Variants in CTXND2 observed in about 807,000 individuals in gnomAD.
CTXND2 encodes cortexin domain containing 2.
At chr1:150,898,153 G>GA (rs1557999424) in intron 1 of CTXND2, among the ~76,000 whole-genome samples, 1 of 147,862 alleles carries the variant, frequency 6.8e-6, no homozygotes, top group Non-Finnish European at 1.5e-5. Context: ...TAGATGTGGG[G>GA]TTTTTTTTTT....
chr1:150,893,499 C>A (rs1668877869), intron 1 of CTXND2, among the ~76,000 whole-genome samples: 1 of 152,160 alleles, frequency 6.6e-6, no homozygotes, highest in African/African-American at 2.4e-5. Flanking sequence ...CACTCTGTCA[C>A]CCAGGCTGGA....
At chr1:150,909,765 C>A (rs1571606917) in intron 1 of CTXND2, among the ~76,000 whole-genome samples, 1 of 152,190 alleles carries the variant, frequency 6.6e-6, no homozygotes, top group African/African-American at 2.4e-5. Flanking sequence ...AATACCTGCC[C>A]CTGAGATGAC....
At chr1:150,900,786 A>G (rs933637849) in intron 1 of CTXND2, among the ~76,000 whole-genome samples, 3 of 152,222 alleles carry the variant, frequency 2.0e-5, no homozygotes, top group Admixed American at 6.5e-5. Flanking sequence ...TCAATAGAAA[A>G]AGAGACAAAA....
intron 1 of CTXND2, among the ~76,000 whole-genome samples, chr1:150,905,995 A>T (rs1669138046): frequency 6.8e-6 from 1 of 147,662 alleles, no homozygotes; most frequent in Non-Finnish European, 1.5e-5. Context: ...ATCTCAAAAA[A>T]AAAAGAAGGA....
intron 1 of CTXND2, among the ~76,000 whole-genome samples, chr1:150,888,358 C>A (rs587712005): frequency 6.6e-6 from 1 of 151,456 alleles, no homozygotes; most frequent in Non-Finnish European, 1.5e-5. Flanking sequence ...GGACTACAGG[C>A]GTGCACCACC....
At chr1:150,901,219 A>G (rs1669022199) in intron 1 of CTXND2, among the ~76,000 whole-genome samples, 1 of 152,242 alleles carries the variant, frequency 6.6e-6, no homozygotes, top group Admixed American at 6.5e-5. Flanking sequence ...TTTGGAAGCT[A>G]CAAAACATTG....
At chr1:150,893,503 G>A (rs1668877959) in intron 1 of CTXND2, among the ~76,000 whole-genome samples, 1 of 152,130 alleles carries the variant, frequency 6.6e-6, no homozygotes, top group Admixed American at 6.5e-5. Context: ...CTGTCACCCA[G>A]GCTGGAAGAC....
At chr1:150,899,539 A>G (rs1330859981) in intron 1 of CTXND2, among the ~76,000 whole-genome samples, 1 of 152,238 alleles carries the variant, frequency 6.6e-6, no homozygotes, top group Non-Finnish European at 1.5e-5. Flanking sequence ...GGTGCATTCT[A>G]TAGACTGAAT....
intron 1 of CTXND2, among the ~76,000 whole-genome samples, chr1:150,896,570 C>T (rs990508550): frequency 6.6e-6 from 1 of 152,142 alleles, no homozygotes; most frequent in Admixed American, 6.6e-5. Flanking sequence ...TCCTCACTGT[C>T]CTTTGCTGCT....
chr1:150,906,198 C>G (rs1669143936), intron 1 of CTXND2, among the ~76,000 whole-genome samples: 1 of 151,840 alleles, frequency 6.6e-6, no homozygotes, highest in African/African-American at 2.4e-5. Flanking sequence ...ATCCAGGAGG[C>G]TGAGGCAGGA....
chr1:150,904,788 A>G (rs1460800914), intron 1 of CTXND2, among the ~76,000 whole-genome samples: 1 of 152,182 alleles, frequency 6.6e-6, no homozygotes. Context: ...AATATCAAAG[A>G]TTATTTAGCA....
At chr1:150,912,907 AGT>A (rs993127294) in exon 2 of CTXND2, 3 of 153,034 alleles carry the variant, frequency 2.0e-5, no homozygotes, top group African/African-American at 7.2e-5. Flanking sequence ...AGATTGTTTT[AGT>A]GTGTGAAGTT....
At chr1:150,888,080 C>G (rs587666072) in intron 1 of CTXND2, among the ~76,000 whole-genome samples, 1 of 151,544 alleles carries the variant, frequency 6.6e-6, no homozygotes, top group East Asian at 1.9e-4. Flanking sequence ...AAAAAAAATT[C>G]TAAGACAGGT....
At chr1:150,897,611 C>A (rs1571599186) in intron 1 of CTXND2, among the ~76,000 whole-genome samples, 1 of 152,304 alleles carries the variant, frequency 6.6e-6, no homozygotes, top group African/African-American at 2.4e-5. Context: ...CATGAGCCAC[C>A]ACAGGCCAGC....
intron 1 of CTXND2, among the ~76,000 whole-genome samples, chr1:150,892,528 C>CTTTTT (rs5777740): frequency 7.8e-4 from 96 of 123,316 alleles, no homozygotes; most frequent in Middle Eastern, 4.4e-3. Context: ...TCTTCTTCTT[C>CTTTTT]TTTTTTTTTT....
chr1:150,913,240 G>A (rs1034034888), exon 2 of CTXND2: 1 of 152,104 alleles, frequency 6.6e-6, no homozygotes, highest in Non-Finnish European at 1.5e-5. Context: ...CCTTGATTTT[G>A]GACTTCCGGC....
chr1:150,893,080 C>T (rs1557998497), intron 1 of CTXND2, among the ~76,000 whole-genome samples: 2 of 152,134 alleles, frequency 1.3e-5, no homozygotes, highest in Non-Finnish European at 2.9e-5. Flanking sequence ...TCCTAGTCAA[C>T]TTTTGTTAAA....
intron 1 of CTXND2, among the ~76,000 whole-genome samples, chr1:150,908,540 G>T (rs587640340): frequency 6.6e-6 from 1 of 152,046 alleles, no homozygotes; most frequent in African/African-American, 2.4e-5. Context: ...GTGTTTATTG[G>T]CCATTTGCAT....
intron 1 of CTXND2, among the ~76,000 whole-genome samples, chr1:150,897,132 T>G (rs1668923379): frequency 6.6e-6 from 1 of 152,166 alleles, no homozygotes; most frequent in African/African-American, 2.4e-5. Context: ...GGAGCCCCAT[T>G]AAGACAGTGG....
Sources: gnomAD v4.1 joint callset for allele counts (sites outside exome capture counted in the v4.1 genomes callset) on GRCh38, gnomAD v4.1.1 for gene constraint, MANE v1.5 for transcripts, NCBI Gene and HGNC (gene_info 2026-07-23, HGNC 2026-07-21) for gene names.